SPOCK1: variants seen among roughly 807,000 people sequenced by gnomAD.
SPOCK1 encodes testican-1.
A neutral mutation model predicts 55.3 loss-of-function variants in SPOCK1; 23 were observed. The ratio of observed to expected loss-of-function variants is 0.42; its 90% CI spans 0.30 to 0.59. The LOEUF is 0.59. SPOCK1 is among the 20% of genes least tolerant of loss of function. The pLI is 0.22. For missense variants in SPOCK1, 499 were observed against 552.5 expected, an observed-to-expected ratio of 0.90 and a Z score of 0.97; for synonymous variants, 226 against 221.0, an observed-to-expected ratio of 1.02 and a Z score of -0.20.
At chr5:137,470,934 C>T (rs1379295116) in intron 2 of SPOCK1, among the ~76,000 whole-genome samples, 4 of 152,176 alleles carry the variant, frequency 2.6e-5, no homozygotes, top group Non-Finnish European at 5.9e-5. Context: ...TGGTTAGTGT[C>T]CAGGGCCTCA....
At chr5:137,454,790 A>G (rs1439388931) in intron 2 of SPOCK1, among the ~76,000 whole-genome samples, 2 of 152,236 alleles carry the variant, frequency 1.3e-5, no homozygotes, top group Non-Finnish European at 2.9e-5. Flanking sequence ...ACAGCAATAA[A>G]TGACAGCTCT....
At chr5:137,030,835 C>T (rs1458368913) in intron 6 of SPOCK1, among the ~76,000 whole-genome samples, 1 of 152,140 alleles carries the variant, frequency 6.6e-6, no homozygotes, top group Non-Finnish European at 1.5e-5. Flanking sequence ...CAACTTAAAC[C>T]TGGCAACTAG....
chr5:137,053,496 T>G (rs966658584), intron 6 of SPOCK1, among the ~76,000 whole-genome samples: 9 of 152,138 alleles, frequency 5.9e-5, no homozygotes, highest in African/African-American at 2.2e-4. Context: ...TGTGTTTAGC[T>G]GCAAATAAGA....
intron 2 of SPOCK1, among the ~76,000 whole-genome samples, chr5:137,453,383 A>C (rs1186711143): frequency 6.6e-6 from 1 of 152,206 alleles, no homozygotes; most frequent in Non-Finnish European, 1.5e-5. Flanking sequence ...TAGCTACAGG[A>C]AAGAAAAAAT....
At chr5:137,246,065 C>T (rs983915075) in intron 3 of SPOCK1, among the ~76,000 whole-genome samples, 1 of 152,184 alleles carries the variant, frequency 6.6e-6, no homozygotes, top group African/African-American at 2.4e-5. Flanking sequence ...CCTACTTGAA[C>T]AGTTAGTGAT....
chr5:137,082,370 T>G (rs983840325), intron 5 of SPOCK1, among the ~76,000 whole-genome samples: 7 of 152,164 alleles, frequency 4.6e-5, no homozygotes, highest in Non-Finnish European at 1.0e-4. Context: ...TGTCAGCTAC[T>G]TGCAACAAGC....
rs566140607 is a variant in SPOCK1 at position 137,300,402 on chromosome 5, A to G, written c.187-33347T>C. On this transcript the variant is annotated intron_variant, in intron 2 of 10. Coordinates refer to ENST00000394945, the MANE Select transcript of SPOCK1 (RefSeq NM_004598.4). ...ATTGTCTAATAACCATGACCTAGAC[A>G]CTCCTGTTTCTTCACATGCCTAGCG... Among the ~76,000 whole-genome samples the G allele has an allele frequency of 2.0e-5, 3 of 152,150 alleles. No individual in the cohort carries two copies. In the East Asian group the frequency reaches 5.8e-4, roughly 29 times the overall value.
At chr5:137,075,744 G>A (rs770630848) in intron 5 of SPOCK1, among the ~76,000 whole-genome samples, 15 of 152,090 alleles carry the variant, frequency 9.9e-5, no homozygotes, top group South Asian at 8.3e-4. Flanking sequence ...GGCCGGCACC[G>A]TGGAGAGGAG....
chr5:137,257,018 G>T (rs145266217), intron 3 of SPOCK1, among the ~76,000 whole-genome samples: 1 of 152,058 alleles, frequency 6.6e-6, no homozygotes, highest in African/African-American at 2.4e-5. Context: ...CATAACCATC[G>T]TCAGCTAGAG....
intron 2 of SPOCK1, among the ~76,000 whole-genome samples, chr5:137,436,968 C>G (rs1046056874): frequency 2.0e-5 from 3 of 152,108 alleles, no homozygotes; most frequent in Non-Finnish European, 1.5e-5. Context: ...CAGAGAGGGC[C>G]CAACATTTCC....
At chr5:137,175,573 C>T (rs1375977123) in intron 3 of SPOCK1, among the ~76,000 whole-genome samples, 1 of 152,198 alleles carries the variant, frequency 6.6e-6, no homozygotes, top group Non-Finnish European at 1.5e-5. Context: ...AAAGCTCAGG[C>T]TTTGGGTTCT....
chr5:137,208,304 T>C (rs533833252), intron 3 of SPOCK1, among the ~76,000 whole-genome samples: 2 of 152,296 alleles, frequency 1.3e-5, no homozygotes, highest in East Asian at 3.9e-4. Flanking sequence ...TATTATAATA[T>C]GGATGACTGT....
intron 6 of SPOCK1, among the ~76,000 whole-genome samples, chr5:137,002,286 C>T (rs1428398672): frequency 6.6e-6 from 1 of 152,096 alleles, no homozygotes; most frequent in African/African-American, 2.4e-5. Context: ...TAATGTTTCC[C>T]TTGATTCTAA....
intron 3 of SPOCK1, among the ~76,000 whole-genome samples, chr5:137,192,858 T>C (rs1755211119): frequency 6.6e-6 from 1 of 152,202 alleles, no homozygotes; most frequent in Non-Finnish European, 1.5e-5. Flanking sequence ...TAGTATGTAA[T>C]GTTTACTTAC....
intron 5 of SPOCK1, among the ~76,000 whole-genome samples, chr5:137,071,460 G>A (rs984274272): frequency 6.6e-6 from 1 of 152,112 alleles, no homozygotes; most frequent in African/African-American, 2.4e-5. Context: ...GGAGCCCAAG[G>A]GAAGCGTCAC....
At chr5:137,187,283 G>A (rs1487034045) in intron 3 of SPOCK1, among the ~76,000 whole-genome samples, 1 of 152,080 alleles carries the variant, frequency 6.6e-6, no homozygotes, top group African/African-American at 2.4e-5. Flanking sequence ...TCCTCCCCAG[G>A]GTGATTCACT....
intron 6 of SPOCK1, among the ~76,000 whole-genome samples, chr5:137,018,512 G>A (rs1751495246): frequency 6.6e-6 from 1 of 152,070 alleles, no homozygotes; most frequent in African/African-American, 2.4e-5. Context: ...TAACCCTCAG[G>A]AGGTACATGA....
rs143911767 is a variant in SPOCK1, at chr5:137,243,394, G to A, written c.232+23616C>T. ...GCCTTTCTATTTTTATGTGTTTTCAGTCTCACTTTCCTAAGACCAAAGACA... is the reference window on the plus strand; with the variant it reads ...GCCTTTCTATTTTTATGTGTTTTCAATCTCACTTTCCTAAGACCAAAGACA... On this transcript the variant is annotated intron_variant, in intron 3 of 10. Coordinates refer to ENST00000394945, the MANE Select transcript of SPOCK1 (RefSeq NM_004598.4). Among the ~76,000 whole-genome samples the A allele has an allele frequency of 3.3e-3, 508 of 152,176 alleles. 6 individuals are homozygous for A. Among genetic ancestry groups the A allele is most frequent in the African/African-American group, 0.011 (473 of 41,496 alleles).
At chr5:137,226,192 C>T (rs746232748) in intron 3 of SPOCK1, among the ~76,000 whole-genome samples, 2 of 152,198 alleles carry the variant, frequency 1.3e-5, no homozygotes, top group Non-Finnish European at 2.9e-5. Context: ...GATTGATGGG[C>T]ATCTTTCATG....
Sources: gnomAD v4.1 joint callset for allele counts (sites outside exome capture counted in the v4.1 genomes callset) on GRCh38, gnomAD v4.1.1 for gene constraint, MANE v1.5 for transcripts, NCBI Gene and HGNC (gene_info 2026-07-23, HGNC 2026-07-21) for gene names.